The following KCNU1 variants were observed in gnomAD, a reference collection of about 807,000 sequenced individuals.
KCNU1 encodes the protein potassium calcium-activated channel subfamily U member 1.
A neutral mutation model predicts 126.8 loss-of-function variants in KCNU1; 93 were observed. The observed-to-expected ratio is 0.73, with a 90% CI of 0.62 to 0.87. The LOEUF (loss-of-function observed/expected upper bound fraction) is 0.87, where lower values mean the gene tolerates loss of function less well. KCNU1 is among the 40% of genes least tolerant of loss of function. The pLI, the probability that KCNU1 is intolerant of heterozygous loss-of-function variation, is 0.00. For synonymous variants in KCNU1, 523 were observed against 494.2 expected, an observed-to-expected ratio of 1.06 and a Z score of -0.77; for missense variants, 1,330 against 1,367.1, an observed-to-expected ratio of 0.97 and a Z score of 0.43.
intron 5 of KCNU1, 54 bp from the exon 6 acceptor site, chr8:36,807,321 C>A: frequency 2.4e-6 from 3 of 1,226,022 alleles, no homozygotes; most frequent in Non-Finnish European, 3.6e-6. Flanking sequence ...ACGTAGGCTC[C>A]CTCTGGAGTG....
intron 19 of KCNU1, among the ~76,000 whole-genome samples, chr8:36,883,968 G>A (rs1032472218): frequency 6.6e-6 from 1 of 152,168 alleles, no homozygotes; most frequent in Non-Finnish European, 1.5e-5. Flanking sequence ...CTGAAAGGTA[G>A]GGATGCTTCT....
chr8:36,933,776 C>T (rs779024861), intron 26 of KCNU1, among the ~76,000 whole-genome samples: 2 of 151,848 alleles, frequency 1.3e-5, no homozygotes, highest in African/African-American at 2.4e-5. Flanking sequence ...TTTTTTTGGC[C>T]CACAGGAGAA....
chr8:36,845,581 G>A lies in KCNU1; in HGVS notation c.1705G>A (p.Gly569Ser). Residue 569 changes from glycine (G) to serine (S), a missense_variant and splice_region_variant, in exon 17 of 27, where the codon GGT becomes AGT. Gly to Ser is a moderately conservative substitution (Grantham distance 56). Around this residue, in one of 3 missense-constraint regions of KCNU1, gnomAD observed 1,054 missense variants for 1,053.9 expected, o/e 1.00. Coordinates refer to ENST00000399881, the MANE Select transcript of KCNU1 (RefSeq NM_001031836.3). ...YKSLFTDGFC[G>S]LILNPPPQVR... is the part of the protein sequence containing the mutation. ...CATGTGTTTATTTTTTGTTTCCAGT[G>A]GTCTGATACTAAATCCACCTCCACA... 6.3e-7 allele frequency: 1 copy of A among 1,586,056 alleles called. No individual in the cohort carries two copies. The highest frequency in any genetic ancestry group is 8.6e-7 in the Non-Finnish European group (1 of 1,156,556).
chr8:36,807,403 G>T lies in KCNU1; in HGVS notation c.609G>T (p.Leu203=). The T allele has an allele frequency of 6.2e-7, 1 of 1,613,462 alleles. No individual in the cohort carries two copies. The highest frequency in any genetic ancestry group is 8.5e-7 in the Non-Finnish European group (1 of 1,179,506). Residue 203 remains leucine, a synonymous_variant, in exon 6 of 27, where the codon CTG becomes CTT. Transcript: ENST00000399881. ...LGLRFLRALR[L]LELPQILQIL... ...TAAGGTTCCTAAGAGCCTTGCGCCT[G>T]CTAGAACTCCCTCAAATCTTGCAAA...
intron 24 of KCNU1, 126 bp downstream of exon 24, chr8:36,922,755 G>T (rs1446342332): frequency 6.0e-6 from 6 of 992,300 alleles, no homozygotes; most frequent in Non-Finnish European, 7.3e-6. Context: ...TCAAAAACAA[G>T]CTTGTTCCCA....
intron 18 of KCNU1, 149 bp from the exon 19 acceptor site, chr8:36,864,255 A>G: frequency 1.6e-6 from 1 of 615,590 alleles, no homozygotes. Flanking sequence ...AGAGTTTGCT[A>G]CAATTCATCC....
In KCNU1 at chr8:36,815,685, G is replaced by T; in HGVS notation, c.993G>T (p.Lys331Asn). 6.6e-7 allele frequency: 1 copy of T among 1,506,306 alleles called. No individual in the cohort carries two copies. Among genetic ancestry groups the T allele is most frequent in the Non-Finnish European group, 9.1e-7 (1 of 1,093,876 alleles). 93.3% of individuals were successfully genotyped at this position (1,506,306 alleles called of 1,614,324 possible). A position where few individuals can be genotyped will look rare whatever the true frequency, so the allele number is the denominator to read the frequency against. ...GTTCCTATGAAGCACTCAAAGGAAA[G>T]AAGTAAGTAGTGTTTTAAGTATAAT... is the stretch of plus-strand genomic sequence containing the variant. ...YTSSYEALKG[K>N]KFIVVCGNIT... The change falls in exon 9 of 27, where the codon AAG becomes AAT. Residue 331 changes from lysine (K) to asparagine (N), a missense_variant and splice_region_variant. Physicochemically the swap from Lys to Asn is moderately conservative, Grantham distance 94 (BLOSUM62 0). Around this residue, in one of 3 missense-constraint regions of KCNU1, gnomAD observed 1,054 missense variants for 1,053.9 expected, o/e 1.00. Coordinates refer to ENST00000399881, the MANE Select transcript of KCNU1 (RefSeq NM_001031836.3).
intron 19 of KCNU1, among the ~76,000 whole-genome samples, chr8:36,890,756 A>G (rs1806931173): frequency 6.6e-6 from 1 of 151,982 alleles, no homozygotes; most frequent in African/African-American, 2.4e-5. Flanking sequence ...TAAGAAATCT[A>G]CTTTTAATAT....
At chr8:36,817,849 AT>A in intron 10 of KCNU1, 89 bp downstream of exon 10, 1 of 660,530 alleles carries the variant, frequency 1.5e-6, no homozygotes, top group Non-Finnish European at 2.7e-6. Context: ...CCTTCACAAT[AT>A]TTATAGAAAA....
intron 7 of KCNU1, among the ~76,000 whole-genome samples, chr8:36,811,732 G>C (rs1481858070): frequency 6.6e-6 from 1 of 151,858 alleles, no homozygotes; most frequent in Non-Finnish European, 1.5e-5. Context: ...AGGGGTTCGA[G>C]ACCAGCCTGG....
chr8:36,844,062 A>G (rs1170191699), intron 16 of KCNU1, among the ~76,000 whole-genome samples: 1 of 152,166 alleles, frequency 6.6e-6, no homozygotes, highest in East Asian at 1.9e-4. Context: ...ATGAGTTCAG[A>G]GAAACCTTTC....
chr8:36,901,766 C>CCAA (rs1807428523), intron 19 of KCNU1, among the ~76,000 whole-genome samples: 1 of 152,108 alleles, frequency 6.6e-6, no homozygotes, highest in Non-Finnish European at 1.5e-5. Flanking sequence ...GACCAGGGAA[C>CCAA]CAACCCCACT....
chr8:36,790,998 G>GAA (rs199547680), intron 2 of KCNU1, among the ~76,000 whole-genome samples: 4 of 134,910 alleles, frequency 3.0e-5, no homozygotes, highest in South Asian at 2.4e-4. Context: ...TAGGAAGATG[G>GAA]AAAAAAAAAA....
chr8:36,918,748 T>G, intron 22 of KCNU1, 75 bp from the exon 23 acceptor site: 17 of 896,304 alleles, frequency 1.9e-5, no homozygotes, highest in Non-Finnish European at 3.2e-5. Flanking sequence ...CCAAGTTACA[T>G]TATATTCTTC....
intron 2 of KCNU1, among the ~76,000 whole-genome samples, chr8:36,796,528 C>T (rs182184304): frequency 1.4e-3 from 214 of 152,238 alleles, no homozygotes; most frequent in African/African-American, 4.7e-3. Context: ...TATTCTTATA[C>T]GATATCCACT....
chr8:36,864,576 C>CAT, intron 19 of KCNU1, 55 bp downstream of exon 19: 1 of 956,586 alleles, frequency 1.0e-6, no homozygotes, highest in Non-Finnish European at 1.7e-6. Context: ...ATCAGTGGGC[C>CAT]ATATATATTG....
At chr8:36,888,788 G>A in intron 19 of KCNU1, 1 of 530,202 alleles carries the variant, frequency 1.9e-6, no homozygotes, top group Non-Finnish European at 3.9e-6. Flanking sequence ...CGAAAAACTT[G>A]AAGAACAGAG....
chr8:36,834,154 G>C (rs771037053), intron 11 of KCNU1, among the ~76,000 whole-genome samples: 33 of 152,128 alleles, frequency 2.2e-4, no homozygotes, highest in Non-Finnish European at 4.1e-4. Context: ...CAACCCTCTA[G>C]ACAGGTTTGG....
chr8:36,881,761 C>T (rs1225778923), intron 19 of KCNU1, among the ~76,000 whole-genome samples: 1 of 149,874 alleles, frequency 6.7e-6, no homozygotes, highest in Non-Finnish European at 1.5e-5. Context: ...ATATTTTTTC[C>T]TGCCTACCTC....
Sources: allele counts gnomAD v4.1 joint callset (sites outside exome capture counted in the v4.1 genomes callset), GRCh38; gene constraint gnomAD v4.1.1; regional missense constraint gnomAD v4.1.1; transcripts MANE v1.5; gene names NCBI Gene and HGNC (gene_info 2026-07-23, HGNC 2026-07-21).